NEGR1: variants seen among roughly 807,000 people sequenced by gnomAD.
The protein encoded by NEGR1 is neuronal growth regulator 1.
In NEGR1, 10 loss-of-function variants were observed where a neutral mutation model predicts 40.9. The observed-to-expected ratio is 0.24, with a 90% CI of 0.15 to 0.42. The LOEUF (loss-of-function observed/expected upper bound fraction) is 0.42, where lower values mean the gene tolerates loss of function less well. NEGR1 is among the 10% of genes least tolerant of loss of function. NEGR1 has a pLI of 1.00. For missense variants in NEGR1, 352 were observed against 438.9 expected, an observed-to-expected ratio of 0.80 and a Z score of 1.77; for synonymous variants, 185 against 166.8, an observed-to-expected ratio of 1.11 and a Z score of -0.84.
At chr1:71,684,127 G>A (rs963115892) in intron 4 of NEGR1, among the ~76,000 whole-genome samples, 4 of 151,884 alleles carry the variant, frequency 2.6e-5, no homozygotes, top group Non-Finnish European at 4.4e-5. Flanking sequence ...AAAATTAGCC[G>A]GGCGTGGTGG....
At chr1:71,671,777 T>G (rs7516553) in intron 4 of NEGR1, among the ~76,000 whole-genome samples, 12,180 of 152,246 alleles carry the variant, frequency 0.08, 632 homozygotes, top group African/African-American at 0.14. Flanking sequence ...TGGGTCCCCG[T>G]TAGTACCCAA....
At chr1:72,188,226 AC>A (rs990750735) in intron 1 of NEGR1, among the ~76,000 whole-genome samples, 3 of 151,436 alleles carry the variant, frequency 2.0e-5, no homozygotes, top group African/African-American at 7.3e-5. Flanking sequence ...TGAAAGATGA[AC>A]CTTTCAAAAG....
intron 6 of NEGR1, among the ~76,000 whole-genome samples, chr1:71,487,784 CA>C (rs1262998369): frequency 6.6e-6 from 1 of 151,406 alleles, no homozygotes; most frequent in Non-Finnish European, 1.5e-5. Flanking sequence ...CTTTTGTATG[CA>C]AAATGCACTT....
chr1:72,276,669 G>A (rs995210495), intron 1 of NEGR1, among the ~76,000 whole-genome samples: 4 of 151,792 alleles, frequency 2.6e-5, no homozygotes, highest in Non-Finnish European at 4.4e-5. Flanking sequence ...ACTTCTATGC[G>A]TGTTTCCTTA....
intron 1 of NEGR1, among the ~76,000 whole-genome samples, chr1:72,090,205 C>T (rs1417602590): frequency 2.0e-5 from 3 of 151,880 alleles, no homozygotes; most frequent in Non-Finnish European, 4.4e-5. Flanking sequence ...CACACAGAGT[C>T]ATTTAGGCAT....
chr1:72,173,256 C>T (rs1033218017), intron 1 of NEGR1, among the ~76,000 whole-genome samples: 1 of 150,638 alleles, frequency 6.6e-6, no homozygotes, highest in Non-Finnish European at 1.5e-5. Flanking sequence ...AATCTGCTAG[C>T]CTGGGCCTTC....
chr1:72,050,636 C>T (rs1647050713), intron 1 of NEGR1, among the ~76,000 whole-genome samples: 1 of 151,492 alleles, frequency 6.6e-6, no homozygotes, highest in South Asian at 2.1e-4. Flanking sequence ...GATGTGGTAG[C>T]CAGCCTTCAA....
chr1:72,270,224 T>C (rs1039902707), intron 1 of NEGR1, among the ~76,000 whole-genome samples: 10 of 151,840 alleles, frequency 6.6e-5, no homozygotes, highest in Non-Finnish European at 1.2e-4. Flanking sequence ...TCATATATGG[T>C]AGATGTTCTG....
At chr1:71,433,291 T>C in intron 6 of NEGR1, among the ~76,000 whole-genome samples, 1 of 152,248 alleles carries the variant, frequency 6.6e-6, no homozygotes, top group East Asian at 1.9e-4. Flanking sequence ...AAATGGTTAC[T>C]GTAGCCAAAC....
intron 1 of NEGR1, among the ~76,000 whole-genome samples, chr1:72,198,079 G>A (rs1463835592): frequency 3.9e-5 from 6 of 152,078 alleles, no homozygotes; most frequent in East Asian, 3.9e-4. Flanking sequence ...GAGAATAGGC[G>A]GAGGCTGCTG....
intron 2 of NEGR1, among the ~76,000 whole-genome samples, chr1:71,862,800 C>A (rs376213517): frequency 6.6e-6 from 1 of 151,920 alleles, no homozygotes; most frequent in African/African-American, 2.4e-5. Flanking sequence ...CATGAACAGA[C>A]GATTCTCAAA....
intron 5 of NEGR1, among the ~76,000 whole-genome samples, chr1:71,610,690 T>A (rs1422268854): frequency 6.6e-6 from 1 of 152,192 alleles, no homozygotes; most frequent in Non-Finnish European, 1.5e-5. Context: ...AGTGCTCTTG[T>A]GGAAGCTGTA....
intron 4 of NEGR1, among the ~76,000 whole-genome samples, chr1:71,668,266 A>G (rs573431338): frequency 2.6e-4 from 39 of 152,154 alleles, no homozygotes; most frequent in Non-Finnish European, 5.4e-4. Flanking sequence ...ATGCATCCAT[A>G]TTTGGCCAGA....
intron 1 of NEGR1, among the ~76,000 whole-genome samples, chr1:72,180,029 AT>A (rs1248157651): frequency 2.6e-5 from 4 of 152,196 alleles, no homozygotes; most frequent in African/African-American, 7.2e-5. Context: ...ATAGAAAAAA[AT>A]CCTAAAATTT....
intron 1 of NEGR1, among the ~76,000 whole-genome samples, chr1:72,260,763 T>G (rs1655427282): frequency 6.6e-6 from 1 of 152,152 alleles, no homozygotes; most frequent in Non-Finnish European, 1.5e-5. Flanking sequence ...AAATTCACAC[T>G]TGATTCAGTA....
chr1:71,936,407 C>T (rs1645905889), intron 1 of NEGR1, among the ~76,000 whole-genome samples: 1 of 151,990 alleles, frequency 6.6e-6, no homozygotes, highest in Admixed American at 6.6e-5. Context: ...AAGAGCAAAC[C>T]AATTATTACC....
At chr1:72,126,123 G>GTGTGTGTGTA (rs1553142851) in intron 1 of NEGR1, among the ~76,000 whole-genome samples, 1 of 150,842 alleles carries the variant, frequency 6.6e-6, no homozygotes, top group Non-Finnish European at 1.5e-5. Flanking sequence ...GTGTGTGTGT[G>GTGTGTGTGTA]TGTGTGTGTG....
intron 6 of NEGR1, chr1:71,477,507 T>G (rs1349356889): frequency 6.6e-6 from 1 of 152,164 alleles, no homozygotes. Context: ...ATTCTTGCCC[T>G]CCATTAGTAC....
intron 1 of NEGR1, among the ~76,000 whole-genome samples, chr1:72,148,016 G>A (rs1650974889): frequency 6.6e-6 from 1 of 152,024 alleles, no homozygotes; most frequent in Non-Finnish European, 1.5e-5. Flanking sequence ...CCAGGTGCAT[G>A]GTGCAAGCTG....
Sources: allele counts gnomAD v4.1 joint callset (sites outside exome capture counted in the v4.1 genomes callset), GRCh38; gene constraint gnomAD v4.1.1; transcripts MANE v1.5; gene names NCBI Gene and HGNC (gene_info 2026-07-23, HGNC 2026-07-21).